The following SCAPER variants were observed in gnomAD, a reference collection of about 807,000 sequenced individuals.
SCAPER encodes S-phase cyclin A associated protein in the ER.
In SCAPER, 98 loss-of-function variants were observed where a neutral mutation model predicts 182.2. The observed-to-expected ratio is 0.54, with a 90% CI of 0.46 to 0.64. The LOEUF (loss-of-function observed/expected upper bound fraction) is 0.64. Among genes scored for constraint, SCAPER ranks in the 30% least tolerant of loss-of-function variants. The pLI is 0.00. For missense variants in SCAPER, 1,432 were observed against 1,690.0 expected (o/e 0.85, Z 2.68); for synonymous variants, 605 against 564.6 (o/e 1.07, Z -1.01).
At chr15:76,702,646 AC>A (rs1366486620) in intron 19 of SCAPER, among the ~76,000 whole-genome samples, 3 of 152,084 alleles carry the variant, frequency 2.0e-5, no homozygotes, top group Non-Finnish European at 4.4e-5. Context: ...ACAGGGTTTC[AC>A]CATGTTGGAA....
intron 2 of SCAPER, among the ~76,000 whole-genome samples, chr15:76,866,282 C>G (rs2072297232): frequency 6.6e-6 from 1 of 151,836 alleles, no homozygotes; most frequent in African/African-American, 2.4e-5. Context: ...TATATCAGGT[C>G]AGAAAATTCA....
chr15:76,712,363 A>T (rs2059634649), intron 17 of SCAPER, among the ~76,000 whole-genome samples: 2 of 152,128 alleles, frequency 1.3e-5, no homozygotes, highest in Non-Finnish European at 2.9e-5. Flanking sequence ...GTTTGAAGTC[A>T]GGTAGTGTGA....
intron 21 of SCAPER, among the ~76,000 whole-genome samples, chr15:76,656,583 C>A (rs1345362633): frequency 6.6e-6 from 1 of 152,122 alleles, no homozygotes. Context: ...CACCCCAAAA[C>A]AACATAATAC....
chr15:76,814,024 T>C (rs2066875269), intron 5 of SCAPER, among the ~76,000 whole-genome samples: 1 of 152,038 alleles, frequency 6.6e-6, no homozygotes. Flanking sequence ...AAAAATTAGC[T>C]GGGCATGGTG....
At chr15:76,790,920 A>G (rs965335098) in intron 8 of SCAPER, among the ~76,000 whole-genome samples, 2 of 152,128 alleles carry the variant, frequency 1.3e-5, no homozygotes, top group Admixed American at 1.3e-4. Context: ...TTCTTTTCCA[A>G]TGTGTACAAT....
intron 22 of SCAPER, among the ~76,000 whole-genome samples, chr15:76,581,908 C>T (rs1311674077): frequency 1.3e-5 from 2 of 152,038 alleles, no homozygotes; most frequent in African/African-American, 4.8e-5. Context: ...TGATAAAATT[C>T]AACATTCATT....
intron 24 of SCAPER, among the ~76,000 whole-genome samples, chr15:76,484,108 A>T (rs2051385102): frequency 6.6e-6 from 1 of 152,222 alleles, no homozygotes; most frequent in South Asian, 2.1e-4. Context: ...TCAGTAGGTA[A>T]ATACATAAAC....
intron 1 of SCAPER, among the ~76,000 whole-genome samples, chr15:76,893,546 T>A (rs998425593): frequency 6.6e-6 from 1 of 151,896 alleles, no homozygotes; most frequent in African/African-American, 2.4e-5. Flanking sequence ...AACAGTGAAC[T>A]TGAACAGTTC....
At chr15:76,663,946 C>T (rs974294701) in intron 21 of SCAPER, among the ~76,000 whole-genome samples, 5 of 151,796 alleles carry the variant, frequency 3.3e-5, no homozygotes, top group African/African-American at 1.2e-4. Context: ...ACTATTTTTC[C>T]TATGGTTATT....
chr15:76,418,027 A>T lies in SCAPER; in HGVS notation c.3312-13348T>A, dbSNP rs543804762. ...GCAAGACTCCGTCTCAAAAAAAAAA[A>T]TTTTTTTTCAGAGATTAATGTGGTC... On this transcript the variant is annotated intron_variant, in intron 26 of 31. Transcript: ENST00000563290. 9.9e-4 allele frequency among the ~76,000 whole-genome samples: 150 copies of T among 152,074 alleles called. 1 individual carries two copies. Among genetic ancestry groups the T allele is most frequent in the Admixed American group, 4.7e-3 (72 of 15,266 alleles).
At chr15:76,421,514 G>C (rs2142347439) in intron 26 of SCAPER, among the ~76,000 whole-genome samples, 1 of 152,246 alleles carries the variant, frequency 6.6e-6, no homozygotes, top group East Asian at 1.9e-4. Context: ...GTAGATTCTG[G>C]ATATTAGCCC....
At chr15:76,888,125 A>C (rs771121606) in intron 1 of SCAPER, among the ~76,000 whole-genome samples, 1 of 152,260 alleles carries the variant, frequency 6.6e-6, no homozygotes, top group Non-Finnish European at 1.5e-5. Flanking sequence ...AGAAAGGAAT[A>C]GCATCAACAT....
At chr15:76,844,575 T>C (rs896934299) in intron 4 of SCAPER, among the ~76,000 whole-genome samples, 4 of 152,298 alleles carry the variant, frequency 2.6e-5, no homozygotes, top group African/African-American at 7.2e-5. Flanking sequence ...AGTTTGTGGC[T>C]ACTATGAGAA....
At chr15:76,679,953 A>C (rs1239204278) in intron 20 of SCAPER, among the ~76,000 whole-genome samples, 1 of 152,200 alleles carries the variant, frequency 6.6e-6, no homozygotes, top group African/African-American at 2.4e-5. Flanking sequence ...GTTGTACTGA[A>C]CCATGCCTTG....
At chr15:76,887,820 T>C (rs1312365521) in intron 1 of SCAPER, among the ~76,000 whole-genome samples, 1 of 152,160 alleles carries the variant, frequency 6.6e-6, no homozygotes, top group Non-Finnish European at 1.5e-5. Flanking sequence ...CAGCATGGCG[T>C]TTGACCTCTG....
chr15:76,606,534 A>G (rs562615852), intron 22 of SCAPER, among the ~76,000 whole-genome samples: 52 of 151,934 alleles, frequency 3.4e-4, no homozygotes, highest in African/African-American at 9.2e-4. Flanking sequence ...TATTAGGTCC[A>G]CTTGGTGCAG....
At chr15:76,795,499 T>C in intron 7 of SCAPER, 59 bp from the exon 8 acceptor site, 1 of 1,288,638 alleles carries the variant, frequency 7.8e-7, no homozygotes. Context: ...CTTCTGAATA[T>C]ATGCTAAATG....
chr15:76,404,761 A>G, intron 26 of SCAPER, 82 bp from the exon 27 acceptor site: 1 of 1,364,914 alleles, frequency 7.3e-7, no homozygotes, highest in Non-Finnish European at 9.9e-7. Flanking sequence ...GCTACCATAC[A>G]CAGGCTTGGA....
At chr15:76,604,506 C>T (rs565962686) in intron 22 of SCAPER, among the ~76,000 whole-genome samples, 2 of 120,572 alleles carry the variant, frequency 1.7e-5, no homozygotes, top group East Asian at 2.2e-4. Flanking sequence ...CTTGGCGATG[C>T]GGGCTCTTTT....
Sources: gnomAD v4.1 joint callset for allele counts (sites outside exome capture counted in the v4.1 genomes callset) on GRCh38, gnomAD v4.1.1 for gene constraint, MANE v1.5 for transcripts, NCBI Gene and HGNC (gene_info 2026-07-23, HGNC 2026-07-21) for gene names.